The following TNFSF10 variants were observed in gnomAD, a reference collection of about 807,000 sequenced individuals.
TNFSF10 encodes the protein tumor necrosis factor ligand superfamily member 10.
A neutral mutation model predicts 29.5 loss-of-function variants in TNFSF10; 13 were observed. The ratio of observed to expected loss-of-function variants is 0.44; its 90% CI spans 0.29 to 0.70. The LOEUF (loss-of-function observed/expected upper bound fraction) is 0.70. TNFSF10 is among the 30% of genes least tolerant of loss of function. The pLI is 0.13. For missense variants in TNFSF10, 345 were observed against 330.9 expected (o/e 1.04, Z -0.33); for synonymous variants, 111 against 112.8 (o/e 0.98, Z 0.10).
Position 172,514,877 on chromosome 3 carries a change from C to G in TNFSF10, c.254G>C (p.Arg85Pro). Residue 85 changes from arginine to proline, a missense_variant, in exon 2 of 5, where the codon CGT (arginine) becomes CCT (proline). Transcript: ENST00000241261. ...GTTACCTACCTTTCTAACGAGCTGA[C>G]GGAGTTGCCACTTGACTTGCCAGCA... ...SPCWQVKWQLRQLVRKMILRT... is the reference protein window; with the variant it reads ...SPCWQVKWQLPQLVRKMILRT... The G allele has an allele frequency of 6.2e-7, 1 of 1,614,182 alleles. No individual in the cohort carries two copies. The highest frequency in any genetic ancestry group is 8.5e-7 in the Non-Finnish European group (1 of 1,180,008).
chr3:172,522,085 A>G (rs1713721436), intron 1 of TNFSF10: 1 of 225,106 alleles, frequency 4.4e-6, no homozygotes, highest in South Asian at 5.1e-5. Flanking sequence ...AACAAATCCT[A>G]ATGCCTGTGG....
chr3:172,516,037 T>C (rs1038458843), intron 1 of TNFSF10, among the ~76,000 whole-genome samples: 1 of 151,546 alleles, frequency 6.6e-6, no homozygotes, highest in Non-Finnish European at 1.5e-5. Flanking sequence ...CCGAGGCGGG[T>C]GAATCACAAA....
chr3:172,512,128 A>C (rs1217037584), intron 2 of TNFSF10, among the ~76,000 whole-genome samples: 2 of 152,206 alleles, frequency 1.3e-5, no homozygotes, highest in African/African-American at 4.8e-5. Flanking sequence ...CTCAAGATGC[A>C]GGGCACACTT....
At chr3:172,514,747 T>C in intron 2 of TNFSF10, 114 bp downstream of exon 2, 1 of 1,397,038 alleles carries the variant, frequency 7.2e-7, no homozygotes, top group African/African-American at 1.4e-5. Context: ...GCCTAAGTTT[T>C]CTTATTTGTA....
chr3:172,509,989 A>AG (rs1713158453), intron 3 of TNFSF10, among the ~76,000 whole-genome samples: 1 of 151,358 alleles, frequency 6.6e-6, no homozygotes, highest in Non-Finnish European at 1.5e-5. Flanking sequence ...AAAAAAAAAA[A>AG]AAAAAAAGAA....
chr3:172,521,902 G>C (rs1713712708), intron 1 of TNFSF10, among the ~76,000 whole-genome samples: 1 of 152,200 alleles, frequency 6.6e-6, no homozygotes, highest in Non-Finnish European at 1.5e-5. Context: ...CAGAGACATG[G>C]ATGAAGCTGG....
Position 172,511,676 on chromosome 3 carries a change from A to AT in TNFSF10, c.271-18dup. 1 of 1,609,046 alleles carries AT rather than the reference A, an allele frequency of 6.2e-7. No homozygotes were observed. The highest frequency in any genetic ancestry group is 8.5e-7 in the Non-Finnish European group (1 of 1,176,962). On this transcript the variant is annotated splice_polypyrimidine_tract_variant and intron_variant, in intron 2 of 4. Coordinates refer to ENST00000241261, the MANE Select transcript of TNFSF10 (RefSeq NM_003810.4). ...CAAAATCATCTGCAAATATTATTGA[A>AT]TAAAGCTTGTTAATTTCCCTAAAAA...
At chr3:172,522,268 A>T (rs1478793355) in intron 1 of TNFSF10, 1 of 673,962 alleles carries the variant, frequency 1.5e-6, no homozygotes, top group African/African-American at 1.8e-5. Context: ...AATAGACCTC[A>T]TGTGAGTTAT....
At chr3:172,523,127 T>C in intron 1 of TNFSF10, 126 bp downstream of exon 1, 1 of 1,197,872 alleles carries the variant, frequency 8.3e-7, no homozygotes, top group African/African-American at 1.5e-5. Flanking sequence ...ATTTAGCAGT[T>C]AGAGTGTACC....
At chr3:172,516,263 C>CA (rs34276385) in intron 1 of TNFSF10, among the ~76,000 whole-genome samples, 57,088 of 124,146 alleles carry the variant, frequency 0.46, 12,002 homozygotes, top group Middle Eastern at 0.6. Context: ...GACTCCATCT[C>CA]AAAAAAAAAA....
chr3:172,506,566 CA>C lies in TNFSF10; in HGVS notation c.771del (p.Phe257LeufsTer4), dbSNP rs1410265012. On this transcript the variant is annotated frameshift_variant, in exon 5 of 5. Coordinates refer to ENST00000241261, the MANE Select transcript of TNFSF10 (RefSeq NM_003810.4). LOFTEE classifies it high-confidence loss of function. ...ATCAAGTGCTCATTTGTTACAGAAA[CA>C]AAAATTCTGTCATTTTCCTTAAGCT... ...IFELKENDRI[F>X]VSVTNEHLID... 2 of 1,614,040 alleles carry C rather than the reference CA, an allele frequency of 1.2e-6. No homozygotes were observed. The highest frequency in any genetic ancestry group is 1.7e-6 in the Non-Finnish European group (2 of 1,179,974).
At chr3:172,510,041 C>T (rs1713160846) in intron 3 of TNFSF10, among the ~76,000 whole-genome samples, 1 of 151,554 alleles carries the variant, frequency 6.6e-6, no homozygotes, top group Admixed American at 6.6e-5. Context: ...GTTCAAACTT[C>T]CCAAGTGTGC....
At position 172,518,518 on chromosome 3, in the gene TNFSF10, C is replaced by G. The variant is rs567271574; in HGVS notation, c.133-3520G>C. 4.1e-6 allele frequency: 5 copies of G among 1,229,874 alleles called. No homozygotes were observed. The African/African-American group carries it at 7.7e-5, about 19-fold the overall frequency. 76.2% of individuals were successfully genotyped at this position (1,229,874 alleles called of 1,614,324 possible). ...GGAGATCCGTGGAGAGGAAGCCCTT[C>G]TCCTTTTTCCTCCCCATCTATGATG... On this transcript the variant is annotated intron_variant, in intron 1 of 4. Coordinates refer to ENST00000241261, the MANE Select transcript of TNFSF10 (RefSeq NM_003810.4).
chr3:172,518,521 C>G (rs1577014953), intron 1 of TNFSF10: 1 of 1,231,720 alleles, frequency 8.1e-7, no homozygotes, highest in East Asian at 5.7e-5. Flanking sequence ...AGCCCTTCTC[C>G]TTTTTCCTCC....
Position 172,506,681 on chromosome 3 carries a change from AG to A in TNFSF10, c.656del (p.Pro219LeufsTer4), listed in dbSNP as rs1166621726. On this transcript the variant is annotated frameshift_variant, in exon 5 of 5. Transcript: ENST00000241261. LOFTEE classifies it high-confidence loss of function. ...YIYKYTSYPDPILLMKSARNS... is the reference protein window; with the variant it reads ...YIYKYTSYPDXILLMKSARNS... Reference sequence around the variant, plus strand: ...TTCTAGCACTTTTCATCAACAATATAGGGTCAGGATAACTTGTGTATTTGTA... The same window carrying A: ...TTCTAGCACTTTTCATCAACAATATAGGTCAGGATAACTTGTGTATTTGTA... 1.2e-6 allele frequency: 2 copies of A among 1,614,202 alleles called. No homozygotes were observed. The highest frequency in any genetic ancestry group is 1.3e-5 in the African/African-American group (1 of 75,050).
In TNFSF10 at chr3:172,514,854, T is replaced by C; in HGVS notation, c.270+7A>G. The stretch of plus-strand genomic sequence containing the variant: ...TGCTGGTGAGGTCACCTGGTGAGGT[T>C]ACCTACCTTTCTAACGAGCTGACGG... On this transcript the variant is annotated splice_region_variant and intron_variant, in intron 2 of 4. Coordinates refer to ENST00000241261, the MANE Select transcript of TNFSF10 (RefSeq NM_003810.4). 6.2e-7 allele frequency: 1 copy of C among 1,614,144 alleles called. No individual in the cohort carries two copies. The highest frequency in any genetic ancestry group is 8.5e-7 in the Non-Finnish European group (1 of 1,179,994).
intron 1 of TNFSF10, among the ~76,000 whole-genome samples, chr3:172,515,382 C>T (rs1713387476): frequency 6.6e-6 from 1 of 152,118 alleles, no homozygotes; most frequent in African/African-American, 2.4e-5. Context: ...TGGTATGTAT[C>T]CCATTTTGAA....
chr3:172,513,396 C>T (rs1303893663), intron 2 of TNFSF10, among the ~76,000 whole-genome samples: 6 of 152,208 alleles, frequency 3.9e-5, no homozygotes, highest in African/African-American at 1.4e-4. Context: ...CTGGTCCTTG[C>T]CCCCTGAACA....
intron 4 of TNFSF10, 145 bp from the exon 5 acceptor site, chr3:172,507,064 C>T: frequency 4.3e-6 from 3 of 703,868 alleles, no homozygotes; most frequent in Non-Finnish European, 4.6e-6. Context: ...CTCCTTCAAT[C>T]TTAATGTGGA....
Sources: gnomAD v4.1 joint callset for allele counts (sites outside exome capture counted in the v4.1 genomes callset) on GRCh38, gnomAD v4.1.1 for gene constraint, MANE v1.5 for transcripts, NCBI Gene and HGNC (gene_info 2026-07-23, HGNC 2026-07-21) for gene names.